The following ZC3H7B variants were observed in gnomAD, a reference collection of about 807,000 sequenced individuals.
ZC3H7B encodes the protein zinc finger CCCH domain-containing protein 7B.
ZC3H7B carries 35 observed loss-of-function variants against 116.0 expected under a neutral mutation model. That is an observed-to-expected ratio of 0.30 (90% CI 0.23 to 0.40). The LOEUF (loss-of-function observed/expected upper bound fraction) is 0.40. ZC3H7B is among the 10% of genes least tolerant of loss of function. The probability of loss-of-function intolerance (pLI) is 1.00; values close to 1 mark genes in which losing one functional copy is unlikely to be tolerated. For synonymous variants in ZC3H7B, 502 were observed against 545.6 expected (o/e 0.92, Z 1.11); for missense variants, 1,011 against 1,321.5 (o/e 0.77, Z 3.64).
chr22:41,337,253 G>A (rs1188736283), intron 7 of ZC3H7B, among the ~76,000 whole-genome samples: 9 of 152,004 alleles, frequency 5.9e-5, no homozygotes, highest in Admixed American at 1.3e-4. Context: ...GCTTGAACCC[G>A]GGAGGTAGAG....
chr22:41,327,292 C>T lies in ZC3H7B; in HGVS notation c.372C>T (p.Arg124=), dbSNP rs775270649. 2.6e-5 allele frequency: 42 copies of T among 1,613,810 alleles called. No individual in the cohort carries two copies. In the Admixed American group the frequency reaches 2.7e-4, roughly 10 times the overall value. The change falls in exon 5 of 23, where the codon CGC becomes CGT. Residue 124 remains arginine, a synonymous_variant. Transcript: ENST00000352645. This position sits in a 1 kb window ranked among gnomAD's most constrained non-coding sequence, Gnocchi z 4.5. The stretch of plus-strand genomic sequence containing the variant: ...TCCGGGCGTTGTTCCGCAAGGCACG[C>T]GCTCTCAATGAACTGGGACGCCACA... The part of the protein sequence containing the change: ...ESIRALFRKA[R]ALNELGRHKE...
rs1472119293 is a variant in ZC3H7B at position 41,346,058 on chromosome 22, T to A, written c.1515T>A (p.His505Gln). The change falls in exon 14 of 23, where the codon CAT (histidine) becomes CAA (glutamine). Residue 505 changes from histidine (H) to glutamine (Q), a missense_variant. Transcript: ENST00000352645. The surrounding 1 kb of genome is among the most constrained non-coding windows in gnomAD (Gnocchi z 5.3). ...KYGDNCTFAY[H>Q]QEEIDVWTEE... ...GGGATAACTGCACCTTCGCCTACCA[T>A]CAGGAGGAGATCGACGTGTGGACCG... is the stretch of plus-strand genomic sequence containing the variant. 6.2e-7 allele frequency: 1 copy of A among 1,614,052 alleles called. No homozygotes were observed. Among genetic ancestry groups the A allele is most frequent in the Non-Finnish European group, 8.5e-7 (1 of 1,180,010 alleles).
chr22:41,308,608 CTT>C (rs1357846160), intron 1 of ZC3H7B, among the ~76,000 whole-genome samples: 2 of 152,222 alleles, frequency 1.3e-5, no homozygotes, highest in African/African-American at 2.4e-5. Flanking sequence ...AGTATCCTCT[CTT>C]GTCATACGTC....
intron 1 of ZC3H7B, among the ~76,000 whole-genome samples, chr22:41,312,434 TTAATGA>T (rs59116655): frequency 0.53 from 71,043 of 134,284 alleles, 17,948 homozygotes; most frequent in African/African-American, 0.64. Context: ...AGACCCTGTC[TTAATGA>T]TAATAATAAT....
chr22:41,306,973 C>CTTTTT (rs398061942), intron 1 of ZC3H7B, among the ~76,000 whole-genome samples: 1 of 129,072 alleles, frequency 7.7e-6, no homozygotes, highest in African/African-American at 2.8e-5. Flanking sequence ...CAGCTCCTTT[C>CTTTTT]TTTTTTTTTT....
At chr22:41,307,424 G>T (rs1883826) in intron 1 of ZC3H7B, among the ~76,000 whole-genome samples, 1 of 151,842 alleles carries the variant, frequency 6.6e-6, no homozygotes, top group Non-Finnish European at 1.5e-5. Flanking sequence ...TGTTGGTGCC[G>T]TGTTGGTTGT....
chr22:41,322,596 A>T (rs1189005965), intron 2 of ZC3H7B, among the ~76,000 whole-genome samples: 1 of 152,072 alleles, frequency 6.6e-6, no homozygotes, highest in East Asian at 1.9e-4. Flanking sequence ...TTATCACAAC[A>T]CTAATGAAGC....
chr22:41,344,182 A>G (rs764689471), intron 13 of ZC3H7B, among the ~76,000 whole-genome samples: 23 of 152,306 alleles, frequency 1.5e-4, no homozygotes, highest in Non-Finnish European at 3.2e-4. Flanking sequence ...TCATTTCACC[A>G]GCATGCAGCC....
intron 17 of ZC3H7B, among the ~76,000 whole-genome samples, chr22:41,355,063 C>A (rs2036696579): frequency 1.3e-5 from 2 of 152,224 alleles, no homozygotes; most frequent in Non-Finnish European, 1.5e-5. Context: ...AGCTCCGGGG[C>A]AGGCTTCCCA....
intron 10 of ZC3H7B, among the ~76,000 whole-genome samples, chr22:41,340,557 G>C (rs752461639): frequency 6.6e-6 from 1 of 152,164 alleles, no homozygotes; most frequent in Non-Finnish European, 1.5e-5. Flanking sequence ...CTGGGCGCTG[G>C]TGGGGCTAGC....
rs554430444 is a variant in ZC3H7B at position 41,317,828 on chromosome 22, G to C, written c.-6-2827G>C. The stretch of plus-strand genomic sequence containing the variant: ...CCCAGAGGAGGGAAGGGTGTGGGCT[G>C]TTAGGTGCCTGTAGGGCTGGGGCCT... On this transcript the variant is annotated intron_variant, in intron 1 of 22. Transcript: ENST00000352645. Among the ~76,000 whole-genome samples the C allele has an allele frequency of 2.0e-5, 3 of 152,196 alleles. No homozygotes were observed. In the East Asian group the frequency reaches 5.8e-4, roughly 29 times the overall value.
chr22:41,316,376 A>G (rs1386476269), intron 1 of ZC3H7B, among the ~76,000 whole-genome samples: 1 of 147,716 alleles, frequency 6.8e-6, no homozygotes, highest in Non-Finnish European at 1.5e-5. Context: ...GCTCACTGCA[A>G]CCTCCGCCTC....
chr22:41,339,925 C>T lies in ZC3H7B; in HGVS notation c.926C>T (p.Ser309Phe). 1 of 1,613,634 alleles carries T rather than the reference C, an allele frequency of 6.2e-7. No homozygotes were observed. The highest frequency in any genetic ancestry group is 8.5e-7 in the Non-Finnish European group (1 of 1,180,004). The change falls in exon 10 of 23, where the codon TCC becomes TTC. Residue 309 changes from serine (S) to phenylalanine (F), a missense_variant. Ser to Phe is a radical substitution (Grantham distance 155). Coordinates refer to ENST00000352645, the MANE Select transcript of ZC3H7B (RefSeq NM_017590.6). The stretch of plus-strand genomic sequence containing the variant: ...CTGCTACCACCTGTGGTGGGTGGCT[C>T]CATCCCTGTCTCCAGCCCACTGCCC... ...TPLLPPVVGG[S>F]IPVSSPLPPA...
At chr22:41,355,285 G>T (rs76874992) in intron 17 of ZC3H7B, among the ~76,000 whole-genome samples, 184 bp from the exon 18 acceptor site, 1 of 152,158 alleles carries the variant, frequency 6.6e-6, no homozygotes, top group Admixed American at 6.5e-5. Flanking sequence ...GAGGAGCCCC[G>T]TTCCAGGCCT....
chr22:41,353,714 G>T (rs1170006296), intron 17 of ZC3H7B, among the ~76,000 whole-genome samples: 1 of 152,220 alleles, frequency 6.6e-6, no homozygotes, highest in Admixed American at 6.5e-5. Context: ...CTGCCGGGGG[G>T]TCCCTGGGCC....
At chr22:41,304,636 T>C (rs2036016754) in intron 1 of ZC3H7B, among the ~76,000 whole-genome samples, 1 of 152,178 alleles carries the variant, frequency 6.6e-6, no homozygotes, top group Admixed American at 6.6e-5. Context: ...GAAGGCTTCT[T>C]CTAGGAAGTA....
chr22:41,342,303 A>G (rs994546373), intron 11 of ZC3H7B, among the ~76,000 whole-genome samples: 1 of 152,212 alleles, frequency 6.6e-6, no homozygotes, highest in Non-Finnish European at 1.5e-5. Context: ...GCCTGGGACC[A>G]TATGCTGGGA....
chr22:41,338,430 TC>T lies in ZC3H7B; in HGVS notation c.625+78del. 6.6e-7 allele frequency: 1 copy of T among 1,521,828 alleles called. No individual in the cohort carries two copies. 94.3% of individuals were successfully genotyped at this position (1,521,828 alleles called of 1,614,324 possible). A position where few individuals can be genotyped will look rare whatever the true frequency, so the allele number is the denominator to read the frequency against. On this transcript the variant is annotated intron_variant, in intron 8 of 22. Coordinates refer to ENST00000352645, the MANE Select transcript of ZC3H7B (RefSeq NM_017590.6). The surrounding 1 kb of genome is among the most constrained non-coding windows in gnomAD (Gnocchi z 4.5). ...TCAGGGGAGTCGAGCCCCCTCCCCA[TC>T]CCAGCCCTGTAGATGGGAGGGCCTC...
chr22:41,320,776 A>G lies in ZC3H7B; in HGVS notation c.53+63A>G, dbSNP rs2145909703. 3 of 1,596,380 alleles carry G rather than the reference A, an allele frequency of 1.9e-6. No homozygotes were observed. In the South Asian group the frequency reaches 3.3e-5, roughly 18 times the overall value. ...GGCAAGGGTGGGTTCTCTGAGAGCC[A>G]TGCCCTCCCAGCGCTCCCTTTTCTT... On this transcript the variant is annotated intron_variant, in intron 2 of 22. Coordinates refer to ENST00000352645, the MANE Select transcript of ZC3H7B (RefSeq NM_017590.6).
Sources: gnomAD v4.1 joint callset for allele counts (sites outside exome capture counted in the v4.1 genomes callset) on GRCh38, gnomAD v4.1.1 for gene constraint, Gnocchi (gnomAD v3.1) non-coding constraint, MANE v1.5 for transcripts, NCBI Gene and HGNC (gene_info 2026-07-23, HGNC 2026-07-21) for gene names.